CCSAP: variants seen among roughly 807,000 people sequenced by gnomAD.
CCSAP encodes centriole, cilia and spindle-associated protein.
CCSAP carries 17 observed loss-of-function variants against 25.9 expected under a neutral mutation model. That is an observed-to-expected ratio of 0.66 (90% CI 0.45 to 0.99). The LOEUF (loss-of-function observed/expected upper bound fraction) is 0.99, where lower values mean the gene tolerates loss of function less well. Ranked by LOEUF, CCSAP falls within the 50% of genes least tolerant of loss-of-function variation. CCSAP has a pLI of 0.00. For missense variants in CCSAP, 339 were observed against 367.8 expected (o/e 0.92, Z 0.64); for synonymous variants, 169 against 157.1 (o/e 1.08, Z -0.57).
At chr1:229,328,562 C>T (rs1657999707) in intron 2 of CCSAP, among the ~76,000 whole-genome samples, 1 of 152,188 alleles carries the variant, frequency 6.6e-6, no homozygotes, top group South Asian at 2.1e-4. Context: ...CTGCCTCGGC[C>T]TCCCAAAGTG....
In CCSAP at chr1:229,342,488, G is replaced by A; in HGVS notation, c.-23C>T. 1 of 1,308,554 alleles carries A rather than the reference G, an allele frequency of 7.6e-7. No individual in the cohort carries two copies. The highest frequency in any genetic ancestry group is 9.7e-7 in the Non-Finnish European group (1 of 1,026,752). The allele number at this position is 1,308,554 out of a possible 1,614,324, so 81.1% of individuals were successfully genotyped here. A position where few individuals can be genotyped will look rare whatever the true frequency, so the allele number is the denominator to read the frequency against. On this transcript the variant is annotated 5_prime_UTR_variant, in exon 2 of 4. Transcript: ENST00000284617. This position sits in a 1 kb window ranked among gnomAD's most constrained non-coding sequence, Gnocchi z 7.5. ...CATGGTGCCGTCCGCCGCCTCGAGCGCCAGCCGCTCCTCGCTGCCCGCAGC... is the reference window on the plus strand; with the variant it reads ...CATGGTGCCGTCCGCCGCCTCGAGCACCAGCCGCTCCTCGCTGCCCGCAGC...
chr1:229,326,733 C>T lies in CCSAP; in HGVS notation c.636+5G>A, dbSNP rs1291198589. ...AACACAGAACCACAAGGGCCCAGAGCGCACCTCGTGCACAGGAGCGGACGC... is the reference window on the plus strand; with the variant it reads ...AACACAGAACCACAAGGGCCCAGAGTGCACCTCGTGCACAGGAGCGGACGC... On this transcript the variant is annotated splice_donor_5th_base_variant and intron_variant, in intron 3 of 3. Coordinates refer to ENST00000284617, the MANE Select transcript of CCSAP (RefSeq NM_145257.5). The T allele has an allele frequency of 2.5e-6, 4 of 1,613,744 alleles. No homozygotes were observed. The highest frequency in any genetic ancestry group is 2.5e-6 in the Non-Finnish European group (3 of 1,179,702).
At chr1:229,338,514 C>A (rs1404362673) in intron 2 of CCSAP, among the ~76,000 whole-genome samples, 1 of 150,346 alleles carries the variant, frequency 6.7e-6, no homozygotes, top group Non-Finnish European at 1.5e-5. Context: ...TCACGGTTCA[C>A]AAGCACTTCC....
chr1:229,339,906 AGG>A (rs1458906720), intron 2 of CCSAP, among the ~76,000 whole-genome samples: 3 of 152,138 alleles, frequency 2.0e-5, no homozygotes, highest in Non-Finnish European at 4.4e-5. Flanking sequence ...TGTGTGGGTG[AGG>A]AGAGCAGTAA....
chr1:229,330,233 C>G (rs1658035785), intron 2 of CCSAP, among the ~76,000 whole-genome samples: 1 of 152,078 alleles, frequency 6.6e-6, no homozygotes, highest in African/African-American at 2.4e-5. Flanking sequence ...ATGCTGTCCT[C>G]TGACATAGGC....
At chr1:229,330,376 C>T (rs1393983289) in intron 2 of CCSAP, among the ~76,000 whole-genome samples, 1 of 152,172 alleles carries the variant, frequency 6.6e-6, no homozygotes, top group Non-Finnish European at 1.5e-5. Flanking sequence ...TGGTGTGGAC[C>T]AAGTCACCCA....
intron 2 of CCSAP, among the ~76,000 whole-genome samples, chr1:229,333,243 T>C (rs544225083): frequency 2.2e-4 from 34 of 151,614 alleles, no homozygotes; most frequent in Admixed American, 1.8e-3. Context: ...CCATCCTGGG[T>C]AACACGGTGA....
At chr1:229,338,269 G>T (rs1658247933) in intron 2 of CCSAP, among the ~76,000 whole-genome samples, 1 of 150,896 alleles carries the variant, frequency 6.6e-6, no homozygotes, top group Non-Finnish European at 1.5e-5. Context: ...AATAAAAAGA[G>T]GGTGGCCAAT....
At chr1:229,337,709 ATATATATATG>A (rs1425859143) in intron 2 of CCSAP, among the ~76,000 whole-genome samples, 6 of 105,570 alleles carry the variant, frequency 5.7e-5, no homozygotes, top group East Asian at 4.7e-4. Flanking sequence ...ACACATACAT[ATATATATATG>A]TATATATATA....
In CCSAP at chr1:229,342,092, C is replaced by CG; in HGVS notation, c.367+6dup. The CG allele has an allele frequency of 6.7e-6, 9 of 1,339,000 alleles. No homozygotes were observed. Among genetic ancestry groups the CG allele is most frequent in the Middle Eastern group, 2.0e-4 (1 of 5,112 alleles). The allele number at this position is 1,339,000 out of a possible 1,614,324, so 82.9% of individuals were successfully genotyped here. A position where few individuals can be genotyped will look rare whatever the true frequency, so the allele number is the denominator to read the frequency against. On this transcript the variant is annotated splice_region_variant and intron_variant, in intron 2 of 3. Coordinates refer to ENST00000284617, the MANE Select transcript of CCSAP (RefSeq NM_145257.5). The surrounding 1 kb of genome is among the most constrained non-coding windows in gnomAD (Gnocchi z 7.5). Reference sequence around the variant, plus strand: ...AGGCCCCTCGCGCTCCCCTCCGGGCCGGGTACCTGGCAGAGCCGCGTCCTC... The same window carrying CG: ...AGGCCCCTCGCGCTCCCCTCCGGGCCGGGGTACCTGGCAGAGCCGCGTCCTC...
intron 2 of CCSAP, among the ~76,000 whole-genome samples, chr1:229,341,138 G>A (rs529097112): frequency 1.4e-5 from 2 of 145,744 alleles, no homozygotes; most frequent in Non-Finnish European, 3.0e-5. Flanking sequence ...AGGTTGCAGT[G>A]AGCCGAGATC....
Position 229,321,607 on chromosome 1 carries a change from G to A in CCSAP, c.*3628C>T, listed in dbSNP as rs1657825303. 2.0e-5 allele frequency: 3 copies of A among 152,182 alleles called. No homozygotes were observed. The highest frequency in any genetic ancestry group is 4.4e-5 in the Non-Finnish European group (3 of 68,038). The allele number at this position is 152,182 out of a possible 1,614,324, so 9.4% of individuals were successfully genotyped here. ...TAAGTTTGATACCAAAGCAACTATA[G>A]CATCAAGCTACATAAATATTAGCAC... On this transcript the variant is annotated 3_prime_UTR_variant, in exon 4 of 4. Transcript: ENST00000284617.
rs796479042 is a variant in CCSAP, at chr1:229,339,097, A to G, written c.367+3002T>C. On this transcript the variant is annotated intron_variant, in intron 2 of 3. Coordinates refer to ENST00000284617, the MANE Select transcript of CCSAP (RefSeq NM_145257.5). ...GACTTCAGAAAAAAAAGAAATGGGA[A>G]AAAAAAAAAAAACAGAAATAAGAAA... Among the ~76,000 whole-genome samples, 215 of 41,622 alleles carry G rather than the reference A, an allele frequency of 5.2e-3. 1 individual carries two copies. Among genetic ancestry groups the G allele is most frequent in the East Asian group, 0.024 (43 of 1,780 alleles). 27.3% of individuals were successfully genotyped at this position (41,622 alleles called of 152,430 possible). A position where few individuals can be genotyped will look rare whatever the true frequency, so the allele number is the denominator to read the frequency against.
At position 229,342,136 on chromosome 1, in the gene CCSAP, G is replaced by A; in HGVS notation, c.330C>T (p.Asp110=). Residue 110 remains aspartate (D), a synonymous_variant, in exon 2 of 4, where the codon GAC becomes GAT. Transcript: ENST00000284617. This position sits in a 1 kb window ranked among gnomAD's most constrained non-coding sequence, Gnocchi z 7.5. ...CGTCCTCCGCGTCCTCGGCCTCCGC[G>A]TCCCCGGCCTCCGCGTCCTGCTCCT... The part of the protein sequence containing the change: ...APEEQDAEAG[D]AEAEDAEDAA... 7.5e-7 allele frequency: 1 copy of A among 1,335,110 alleles called. No homozygotes were observed. Among genetic ancestry groups the A allele is most frequent in the Non-Finnish European group, 9.6e-7 (1 of 1,042,480 alleles). The allele number at this position is 1,335,110 out of a possible 1,614,324, so 82.7% of individuals were successfully genotyped here. A position where few individuals can be genotyped will look rare whatever the true frequency, so the allele number is the denominator to read the frequency against.
intron 2 of CCSAP, among the ~76,000 whole-genome samples, chr1:229,333,597 A>C (rs1479638461): frequency 6.6e-6 from 1 of 152,106 alleles, no homozygotes; most frequent in African/African-American, 2.4e-5. Flanking sequence ...CAGTTAAAGA[A>C]GGCCAGGCGC....
intron 2 of CCSAP, among the ~76,000 whole-genome samples, chr1:229,341,193 C>CA (rs71561730): frequency 0.17 from 15,450 of 90,772 alleles, 1,354 homozygotes; most frequent in East Asian, 0.34. Context: ...GACTCCGTCT[C>CA]AAAAAAAAAA....
chr1:229,325,498 C>T, intron 3 of CCSAP, 87 bp from the exon 4 acceptor site: 1 of 1,260,258 alleles, frequency 7.9e-7, no homozygotes, highest in Non-Finnish European at 1.1e-6. Context: ...TGGCTACTGC[C>T]AGGTCAACTG....
chr1:229,335,287 C>G (rs1658170779), intron 2 of CCSAP, among the ~76,000 whole-genome samples: 1 of 152,034 alleles, frequency 6.6e-6, no homozygotes, highest in African/African-American at 2.4e-5. Flanking sequence ...CCATTGCACT[C>G]TAGCCTAGGC....
intron 2 of CCSAP, chr1:229,340,677 T>C: frequency 2.4e-6 from 1 of 409,360 alleles, no homozygotes; most frequent in East Asian, 3.7e-5. Context: ...ACAAGTAACA[T>C]CATGATGGGA....
Sources: gnomAD v4.1 joint callset for allele counts (sites outside exome capture counted in the v4.1 genomes callset) on GRCh38, gnomAD v4.1.1 for gene constraint, Gnocchi (gnomAD v3.1) non-coding constraint, MANE v1.5 for transcripts, NCBI Gene and HGNC (gene_info 2026-07-23, HGNC 2026-07-21) for gene names.